Variants in PCLO observed in about 807,000 individuals in gnomAD.
PCLO encodes the protein piccolo presynaptic cytomatrix protein, also known as protein piccolo.
A neutral mutation model predicts 427.5 loss-of-function variants in PCLO; 82 were observed. The observed-to-expected ratio is 0.19, with a 90% CI of 0.16 to 0.23. PCLO has a LOEUF of 0.23. Ranked by LOEUF, PCLO falls within the 10% of genes least tolerant of loss-of-function variation. The pLI is 1.00. For synonymous variants in PCLO, 2,357 were observed against 2,155.4 expected, an observed-to-expected ratio of 1.09 and a Z score of -2.59; for missense variants, 6,239 against 6,115.9, an observed-to-expected ratio of 1.02 and a Z score of -0.67.
At chr7:82,890,595 T>C (rs1793734876) in intron 9 of PCLO, among the ~76,000 whole-genome samples, 1 of 152,048 alleles carries the variant, frequency 6.6e-6, no homozygotes. Context: ...GGACAAATTG[T>C]GTTTATAGTA....
At chr7:82,951,570 G>A (rs1795349636) in intron 5 of PCLO, 80 bp from the exon 6 acceptor site, 9 of 992,484 alleles carry the variant, frequency 9.1e-6, no homozygotes, top group Non-Finnish European at 1.3e-5. Flanking sequence ...TCATCTTGAT[G>A]AACATAATGA....
chr7:82,779,638 A>T (rs1012707332), intron 22 of PCLO, among the ~76,000 whole-genome samples: 1 of 151,940 alleles, frequency 6.6e-6, no homozygotes, highest in African/African-American at 2.4e-5. Context: ...TTTTTTTCTG[A>T]TGTAACAAGA....
intron 3 of PCLO, among the ~76,000 whole-genome samples, chr7:83,127,371 CAT>C (rs1360960376): frequency 2.0e-5 from 3 of 151,982 alleles, no homozygotes; most frequent in African/African-American, 4.8e-5. Flanking sequence ...AATCCTTCCA[CAT>C]GTCAGTCACT....
chr7:83,051,299 A>G (rs1050470070), intron 3 of PCLO, among the ~76,000 whole-genome samples: 7 of 151,976 alleles, frequency 4.6e-5, no homozygotes, highest in African/African-American at 1.7e-4. Context: ...TGTTCTATAC[A>G]TAAGATCCCA....
chr7:83,125,365 C>G (rs535813807), intron 3 of PCLO, among the ~76,000 whole-genome samples: 1 of 152,174 alleles, frequency 6.6e-6, no homozygotes, highest in Non-Finnish European at 1.5e-5. Context: ...CTGCTCTGCC[C>G]GGCCACCACC....
At chr7:82,848,273 T>G (rs1792554896) in intron 10 of PCLO, among the ~76,000 whole-genome samples, 1 of 148,452 alleles carries the variant, frequency 6.7e-6, no homozygotes, top group Non-Finnish European at 1.5e-5. Flanking sequence ...AATGTCTATA[T>G]ACCACAATTA....
At chr7:82,942,688 C>G (rs1795113138) in intron 6 of PCLO, among the ~76,000 whole-genome samples, 1 of 151,898 alleles carries the variant, frequency 6.6e-6, no homozygotes, top group Non-Finnish European at 1.5e-5. Context: ...ATTTTACTGA[C>G]ATTTATTTTG....
chr7:83,126,107 C>A (rs1791432496), intron 3 of PCLO, among the ~76,000 whole-genome samples: 1 of 152,010 alleles, frequency 6.6e-6, no homozygotes, highest in Non-Finnish European at 1.5e-5. Flanking sequence ...AGACATTAAG[C>A]AAAATAAGCC....
Position 82,956,084 on chromosome 7 carries a change from T to C in PCLO, c.4869A>G (p.Ala1623=), listed in dbSNP as rs530971216. 12 of 1,611,702 alleles carry C rather than the reference T, an allele frequency of 7.4e-6. No individual in the cohort carries two copies. In the African/African-American group the frequency reaches 1.2e-4, roughly 16 times the overall value. The change falls in exon 5 of 25, where the codon GCA becomes GCG. Residue 1623 remains alanine, a synonymous_variant. Transcript: ENST00000333891. ...CATCATGCCATGAGTGACGTCTTCC[T>C]GCATCTTCATCAATGCTTGTGCTAC... The part of the protein sequence containing the change: ...RKSSTSIDED[A]GRRHSWHDED...
intron 3 of PCLO, among the ~76,000 whole-genome samples, chr7:83,057,632 A>G (rs1362421937): frequency 6.6e-6 from 1 of 151,410 alleles, no homozygotes; most frequent in Non-Finnish European, 1.5e-5. Context: ...AAGTGCTGGG[A>G]TTACAGGTGT....
At chr7:83,145,894 T>C (rs1562990092) in intron 2 of PCLO, among the ~76,000 whole-genome samples, 1 of 152,202 alleles carries the variant, frequency 6.6e-6, no homozygotes, top group African/African-American at 2.4e-5. Flanking sequence ...ATTGCCCAAC[T>C]TTAAAATCTC....
intron 3 of PCLO, among the ~76,000 whole-genome samples, chr7:83,073,411 A>C (rs2116364671): frequency 6.6e-6 from 1 of 152,206 alleles, no homozygotes; most frequent in Admixed American, 6.5e-5. Flanking sequence ...AAAGAGAGAT[A>C]ATATTTTCTG....
At chr7:83,137,703 T>C (rs972513919) in intron 2 of PCLO, among the ~76,000 whole-genome samples, 3 of 151,906 alleles carry the variant, frequency 2.0e-5, no homozygotes, top group Admixed American at 6.6e-5. Flanking sequence ...AGTGCTGGGA[T>C]TACACAGGCA....
At chr7:82,892,682 A>C (rs1244032790) in intron 9 of PCLO, among the ~76,000 whole-genome samples, 1 of 152,142 alleles carries the variant, frequency 6.6e-6, no homozygotes. Flanking sequence ...TCCTCATCTG[A>C]CAAAGGGCTA....
rs73173229 is a variant in PCLO, at chr7:82,968,822, G to A, written c.3301-2335C>T. Among the ~76,000 whole-genome samples, 366 of 152,134 alleles carry A rather than the reference G, an allele frequency of 2.4e-3. 1 individual carries two copies. Among genetic ancestry groups the A allele is most frequent in the South Asian group, 0.017 (84 of 4,828 alleles). On this transcript the variant is annotated intron_variant, in intron 3 of 24. Transcript: ENST00000333891. The stretch of plus-strand genomic sequence containing the variant: ...GCATGAGCCACTGCGCCCAGCCCCA[G>A]AGCCTGACTTTTTAAAACACAAAAA...
chr7:82,952,761 C>T lies in PCLO; in HGVS notation c.8192G>A (p.Arg2731His), dbSNP rs200140697. Residue 2731 changes from arginine to histidine, a missense_variant, in exon 5 of 25, where the codon CGT becomes CAT. Physicochemically the swap from Arg to His is conservative, Grantham distance 29 (BLOSUM62 0). Around this residue, in one of 5 missense-constraint regions of PCLO, gnomAD observed 4,677 missense variants for 4,468.4 expected, o/e 1.05. Coordinates refer to ENST00000333891, the MANE Select transcript of PCLO (RefSeq NM_033026.6). ...TTTAACTTCTACCTTTGGTACTGTA[C>T]GCAAATCAATTACATCACCAACAAG... Reference protein sequence around the residue: ...LQLVGDVIDLRTVPKVEVKTT... With the variant: ...LQLVGDVIDLHTVPKVEVKTT... 2.7e-5 allele frequency: 43 copies of T among 1,613,186 alleles called. No homozygotes were observed. The highest frequency in any genetic ancestry group is 2.0e-4 in the South Asian group (18 of 91,058).
At chr7:83,105,802 G>T (rs1790840190) in intron 3 of PCLO, among the ~76,000 whole-genome samples, 1 of 152,176 alleles carries the variant, frequency 6.6e-6, no homozygotes, top group South Asian at 2.1e-4. Flanking sequence ...GTAAATCTCT[G>T]GGGCTTTCTC....
intron 21 of PCLO, among the ~76,000 whole-genome samples, chr7:82,804,184 G>A (rs1321466310): frequency 1.3e-5 from 2 of 152,066 alleles, no homozygotes; most frequent in Non-Finnish European, 2.9e-5. Flanking sequence ...ATCATCAGAA[G>A]TCAAAGACCA....
At chr7:82,802,552 TGAA>T (rs773046804) in intron 21 of PCLO, among the ~76,000 whole-genome samples, 1 of 152,148 alleles carries the variant, frequency 6.6e-6, no homozygotes, top group Non-Finnish European at 1.5e-5. Flanking sequence ...ACATGGCACA[TGAA>T]GAAGTTTGGA....
Sources: allele counts gnomAD v4.1 joint callset (sites outside exome capture counted in the v4.1 genomes callset), GRCh38; gene constraint gnomAD v4.1.1; regional missense constraint gnomAD v4.1.1; transcripts MANE v1.5; gene names NCBI Gene and HGNC (gene_info 2026-07-23, HGNC 2026-07-21).